Variants in RALYL observed in about 807,000 individuals in gnomAD.
RALYL encodes the protein RALY RNA binding protein like.
Under a neutral mutation model 35.1 loss-of-function variants are expected in RALYL, and 29 were observed. That is an observed-to-expected ratio of 0.83 (90% CI 0.61 to 1.13). The LOEUF (loss-of-function observed/expected upper bound fraction) is 1.13. Among genes scored for constraint, RALYL ranks in the 50% most tolerant of loss-of-function variants. The pLI, the probability that RALYL is intolerant of heterozygous loss-of-function variation, is 0.00. For missense variants in RALYL, 359 were observed against 360.4 expected (o/e 1.00, Z 0.03); for synonymous variants, 120 against 127.6 (o/e 0.94, Z 0.40).
chr8:84,461,837 C>A (rs1435700808), intron 1 of RALYL, among the ~76,000 whole-genome samples: 8 of 151,470 alleles, frequency 5.3e-5, no homozygotes, highest in African/African-American at 1.9e-4. Flanking sequence ...CATTTCTCCC[C>A]CTATCATTAA....
intron 1 of RALYL, among the ~76,000 whole-genome samples, chr8:84,338,751 A>G (rs907062823): frequency 1.3e-5 from 2 of 152,090 alleles, no homozygotes; most frequent in Non-Finnish European, 2.9e-5. Context: ...ATTGTCTGAC[A>G]TAGTCATCCA....
At chr8:84,567,307 A>G (rs1185539592) in intron 2 of RALYL, among the ~76,000 whole-genome samples, 1 of 151,694 alleles carries the variant, frequency 6.6e-6, no homozygotes, top group African/African-American at 2.4e-5. Flanking sequence ...CTTCCAGTGT[A>G]CCCAAAACAC....
In RALYL at chr8:84,252,937, T is replaced by C. The variant is rs775379612; in HGVS notation, c.-24+68513T>C. Among the ~76,000 whole-genome samples the C allele has an allele frequency of 2.6e-5, 4 of 152,256 alleles. No homozygotes were observed. The East Asian group carries it at 5.8e-4, about 22-fold the overall frequency. ...TGTTTCATTTGCTTCCACATAGCTTTATTTCCTTGCATAATGTGAGAGTCT... is the reference window on the plus strand; with the variant it reads ...TGTTTCATTTGCTTCCACATAGCTTCATTTCCTTGCATAATGTGAGAGTCT... On this transcript the variant is annotated intron_variant, in intron 1 of 8. Coordinates refer to ENST00000521268, the MANE Select transcript of RALYL (RefSeq NM_173848.7).
At chr8:84,403,523 T>TG (rs1491331930) in intron 1 of RALYL, among the ~76,000 whole-genome samples, 18 of 116,580 alleles carry the variant, frequency 1.5e-4, no homozygotes, top group African/African-American at 6.7e-4. Flanking sequence ...TCTATATCTC[T>TG]GTTTTTTTTT....
chr8:84,811,382 T>G (rs991525682), intron 4 of RALYL, among the ~76,000 whole-genome samples: 8 of 152,202 alleles, frequency 5.3e-5, no homozygotes, highest in African/African-American at 1.7e-4. Context: ...CTGAGAAATC[T>G]GCTGTTAATC....
At chr8:84,365,130 C>T (rs1026393705) in intron 1 of RALYL, among the ~76,000 whole-genome samples, 2 of 152,012 alleles carry the variant, frequency 1.3e-5, no homozygotes, top group Admixed American at 6.6e-5. Flanking sequence ...AAAATTTTCA[C>T]TCTTGGACTA....
At chr8:84,802,266 T>C (rs1823496564) in intron 3 of RALYL, among the ~76,000 whole-genome samples, 1 of 152,232 alleles carries the variant, frequency 6.6e-6, no homozygotes, top group Non-Finnish European at 1.5e-5. Context: ...TTTTGATATT[T>C]TCCAGCTACT....
intron 2 of RALYL, chr8:84,705,961 A>G: frequency 6.5e-7 from 1 of 1,530,956 alleles, no homozygotes; most frequent in Non-Finnish European, 8.7e-7. Flanking sequence ...GCAGGAGCAC[A>G]ACCCGTCTCT....
intron 3 of RALYL, among the ~76,000 whole-genome samples, chr8:84,777,936 C>T (rs1817233324): frequency 1.3e-5 from 2 of 152,130 alleles, no homozygotes; most frequent in Non-Finnish European, 2.9e-5. Flanking sequence ...CCACCGCACC[C>T]GGCTTCTGAG....
chr8:84,711,162 A>G (rs973908831), intron 2 of RALYL, among the ~76,000 whole-genome samples: 1 of 152,180 alleles, frequency 6.6e-6, no homozygotes, highest in African/African-American at 2.4e-5. Context: ...ACCAAGAAAG[A>G]GTCCAATAAG....
chr8:84,877,208 C>T (rs943012938), intron 7 of RALYL, among the ~76,000 whole-genome samples: 2 of 152,018 alleles, frequency 1.3e-5, no homozygotes, highest in Non-Finnish European at 2.9e-5. Flanking sequence ...AGGGAGTGGC[C>T]GGCCGCGGTG....
chr8:84,388,794 C>T (rs1218214108), intron 1 of RALYL, among the ~76,000 whole-genome samples: 2 of 151,902 alleles, frequency 1.3e-5, no homozygotes, highest in Non-Finnish European at 2.9e-5. Context: ...TTGTGGGTTG[C>T]CTGTTCACTC....
intron 1 of RALYL, among the ~76,000 whole-genome samples, chr8:84,378,334 A>G (rs1329343985): frequency 1.3e-5 from 2 of 151,912 alleles, no homozygotes; most frequent in African/African-American, 2.4e-5. Flanking sequence ...CAATATATAT[A>G]GCTTTTGAGT....
At chr8:84,258,299 A>G (rs1426386403) in intron 1 of RALYL, among the ~76,000 whole-genome samples, 1 of 152,168 alleles carries the variant, frequency 6.6e-6, no homozygotes, top group Non-Finnish European at 1.5e-5. Flanking sequence ...TTAATATATG[A>G]CAAAATCAGA....
chr8:84,540,406 G>T (rs1466340462), intron 2 of RALYL, among the ~76,000 whole-genome samples: 3 of 151,684 alleles, frequency 2.0e-5, no homozygotes, highest in African/African-American at 7.3e-5. Context: ...ACTTTTACCA[G>T]GAAATCATGA....
intron 5 of RALYL, among the ~76,000 whole-genome samples, chr8:84,861,154 A>C: frequency 6.6e-6 from 1 of 152,184 alleles, no homozygotes; most frequent in Non-Finnish European, 1.5e-5. Context: ...AATTATAAGA[A>C]TGTAATCCAA....
chr8:84,243,719 C>T (rs184321372), intron 1 of RALYL, among the ~76,000 whole-genome samples: 49 of 152,114 alleles, frequency 3.2e-4, no homozygotes, highest in African/African-American at 9.6e-4. Context: ...TTTGCTGTGC[C>T]GAGTTTCCTC....
At chr8:84,599,338 A>G (rs936174417) in intron 2 of RALYL, among the ~76,000 whole-genome samples, 4 of 152,012 alleles carry the variant, frequency 2.6e-5, no homozygotes, top group African/African-American at 9.7e-5. Flanking sequence ...TTTAGCATTA[A>G]TATGTCATAG....
intron 1 of RALYL, among the ~76,000 whole-genome samples, chr8:84,352,703 G>T (rs1851140185): frequency 6.7e-6 from 1 of 150,190 alleles, no homozygotes; most frequent in Non-Finnish European, 1.5e-5. Context: ...GCTGGCATTT[G>T]ATGCTTATTT....
Sources: gnomAD v4.1 joint callset for allele counts (sites outside exome capture counted in the v4.1 genomes callset) on GRCh38, gnomAD v4.1.1 for gene constraint, MANE v1.5 for transcripts, NCBI Gene and HGNC (gene_info 2026-07-23, HGNC 2026-07-21) for gene names.